Variants in ELAPOR1 observed in about 807,000 individuals in gnomAD.
ELAPOR1 encodes the protein endosome-lysosome associated apoptosis and autophagy regulator 1, also known as endosome/lysosome-associated apoptosis and autophagy regulator 1.
ELAPOR1 carries 77 observed loss-of-function variants against 119.7 expected under a neutral mutation model. The ratio of observed to expected loss-of-function variants is 0.64; its 90% CI spans 0.54 to 0.78. The LOEUF (loss-of-function observed/expected upper bound fraction) is 0.78, where lower values mean the gene tolerates loss of function less well. Ranked by LOEUF, ELAPOR1 falls within the 30% of genes least tolerant of loss-of-function variation. ELAPOR1 has a pLI of 0.00. For missense variants in ELAPOR1, 1,115 were observed against 1,270.4 expected, an observed-to-expected ratio of 0.88 and a Z score of 1.86; for synonymous variants, 481 against 487.2, an observed-to-expected ratio of 0.99 and a Z score of 0.17.
chr1:109,189,295 G>C, intron 10 of ELAPOR1, 101 bp downstream of exon 10: 1 of 1,420,102 alleles, frequency 7.0e-7, no homozygotes, highest in Non-Finnish European at 9.6e-7. Flanking sequence ...AGAAAAATAA[G>C]CTAACCATGT....
chr1:109,174,756 C>A (rs1652160090), intron 7 of ELAPOR1, among the ~76,000 whole-genome samples: 1 of 151,796 alleles, frequency 6.6e-6, no homozygotes, highest in Non-Finnish European at 1.5e-5. Flanking sequence ...TTCTCTGTCG[C>A]CCAGGCTGGA....
At chr1:109,132,284 A>T (rs923412526) in intron 1 of ELAPOR1, among the ~76,000 whole-genome samples, 2 of 151,886 alleles carry the variant, frequency 1.3e-5, no homozygotes, top group Admixed American at 1.3e-4. Context: ...AACAGCTTGG[A>T]TTACAGGCAT....
chr1:109,200,616 C>A, intron 20 of ELAPOR1, 119 bp from the exon 21 acceptor site: 1 of 910,220 alleles, frequency 1.1e-6, no homozygotes, highest in Non-Finnish European at 1.7e-6. Flanking sequence ...TTTTACCATG[C>A]TTCAGTCTCC....
intron 1 of ELAPOR1, among the ~76,000 whole-genome samples, chr1:109,130,706 A>G (rs987948698): frequency 1.3e-5 from 2 of 152,176 alleles, no homozygotes; most frequent in Non-Finnish European, 2.9e-5. Context: ...CTCATGAGAC[A>G]GAAATCTCCT....
intron 7 of ELAPOR1, among the ~76,000 whole-genome samples, chr1:109,180,095 A>T (rs540932078): frequency 6.6e-6 from 1 of 152,320 alleles, no homozygotes; most frequent in South Asian, 2.1e-4. Context: ...TGGAGAACTC[A>T]CAGGAGCATT....
intron 3 of ELAPOR1, among the ~76,000 whole-genome samples, chr1:109,165,634 G>A (rs973323179): frequency 2.0e-5 from 3 of 150,936 alleles, no homozygotes; most frequent in Admixed American, 6.6e-5. Context: ...AAAACCAACC[G>A]GATTTCCACC....
intron 7 of ELAPOR1, among the ~76,000 whole-genome samples, chr1:109,183,338 A>G (rs2477362): frequency 2.2e-5 from 1 of 46,194 alleles, no homozygotes; most frequent in African/African-American, 5.3e-5. Flanking sequence ...CAAAAAAAAA[A>G]AAAAAAAAAA....
intron 7 of ELAPOR1, among the ~76,000 whole-genome samples, chr1:109,183,592 C>CCTTCCTTT (rs1652869094): frequency 1.3e-5 from 1 of 77,584 alleles, no homozygotes; most frequent in African/African-American, 4.9e-5. Context: ...TTCCTTCCTT[C>CCTTCCTTT]CTTCCTTCCT....
rs374651497 is a variant in ELAPOR1, at chr1:109,191,863, A to G, written c.1683A>G (p.Ala561=). ...TCCAGAGGACCACTTTTCATGAGGC[A>G]GTAAGTTCCTCCCCTTCCTCAGACC... ...WAFQRTTFHE[A]SRKYTNDVAK... The change falls in exon 13 of 22, where the codon GCA becomes GCG. Residue 561 remains alanine, a splice_region_variant and synonymous_variant. Coordinates refer to ENST00000369939, the MANE Select transcript of ELAPOR1 (RefSeq NM_020775.5). 2.8e-5 allele frequency: 45 copies of G among 1,614,084 alleles called. No individual in the cohort carries two copies. Among genetic ancestry groups the G allele is most frequent in the Non-Finnish European group, 3.3e-5 (39 of 1,180,020 alleles).
At chr1:109,183,598 TTCCTTCCTTCCATCCTTCCC>T (rs1652871133) in intron 7 of ELAPOR1, among the ~76,000 whole-genome samples, 1 of 125,972 alleles carries the variant, frequency 7.9e-6, no homozygotes, top group African/African-American at 3.3e-5. Flanking sequence ...CCTTCCTTCC[TTCCTTCCTTCCATCCTTCCC>T]TCCTTCCTTC....
At chr1:109,119,865 A>C (rs1003063665) in intron 1 of ELAPOR1, among the ~76,000 whole-genome samples, 1 of 152,136 alleles carries the variant, frequency 6.6e-6, no homozygotes, top group Non-Finnish European at 1.5e-5. Flanking sequence ...TGGGTTGTGT[A>C]TAGATTCATC....
At chr1:109,166,294 C>A (rs1452437581) in intron 3 of ELAPOR1, among the ~76,000 whole-genome samples, 3 of 152,000 alleles carry the variant, frequency 2.0e-5, no homozygotes, top group Non-Finnish European at 4.4e-5. Context: ...CTCAGGTGAT[C>A]CACCTGCCTC....
chr1:109,149,205 A>G (rs531744486), intron 1 of ELAPOR1, among the ~76,000 whole-genome samples: 1 of 152,262 alleles, frequency 6.6e-6, no homozygotes, highest in East Asian at 1.9e-4. Flanking sequence ...GAGGATTATC[A>G]CATCTAGGCC....
chr1:109,189,516 T>C (rs1259238887), intron 10 of ELAPOR1, 76 bp from the exon 11 acceptor site: 58 of 1,322,500 alleles, frequency 4.4e-5, no homozygotes, highest in Non-Finnish European at 6.1e-5. Context: ...AAACCTCCCT[T>C]CCAGAGTGTC....
chr1:109,174,201 G>C (rs1043774529), intron 7 of ELAPOR1, among the ~76,000 whole-genome samples: 1 of 150,562 alleles, frequency 6.6e-6, no homozygotes, highest in Admixed American at 6.6e-5. Flanking sequence ...TATTTTTATA[G>C]AGACAGGGGT....
rs1317798764 is a variant in ELAPOR1, at chr1:109,189,208, C to T, written c.1348+14C>T. 1 of 1,611,750 alleles carries T rather than the reference C, an allele frequency of 6.2e-7. No homozygotes were observed. Among genetic ancestry groups the T allele is most frequent in the African/African-American group, 1.3e-5 (1 of 75,016 alleles). On this transcript the variant is annotated intron_variant, in intron 10 of 21. Transcript: ENST00000369939. ...AGGGCATGACAGGTAATTGCCTCTC[C>T]CTGTGCCATGAGCTGTCAGCTCCCT...
chr1:109,149,661 G>A (rs148937963), intron 1 of ELAPOR1, among the ~76,000 whole-genome samples: 1 of 152,294 alleles, frequency 6.6e-6, no homozygotes, highest in Admixed American at 6.5e-5. Flanking sequence ...CACATCCATG[G>A]ATAAAAACAA....
chr1:109,188,684 C>T (rs112841975), intron 9 of ELAPOR1, among the ~76,000 whole-genome samples: 2,181 of 152,250 alleles, frequency 0.014, 44 homozygotes, highest in African/African-American at 0.043. Context: ...GATGACCAAC[C>T]CCACACAACC....
chr1:109,187,342 GC>G, intron 8 of ELAPOR1: 3 of 985,568 alleles, frequency 3.0e-6, no homozygotes, highest in Non-Finnish European at 3.6e-6. Flanking sequence ...AGAGGGCCGA[GC>G]TGAGCAGGGG....
Sources: gnomAD v4.1 joint callset for allele counts (sites outside exome capture counted in the v4.1 genomes callset) on GRCh38, gnomAD v4.1.1 for gene constraint, MANE v1.5 for transcripts, NCBI Gene and HGNC (gene_info 2026-07-23, HGNC 2026-07-21) for gene names.